SEMA3A: variants seen among roughly 807,000 people sequenced by gnomAD.
SEMA3A encodes the protein semaphorin 3A, also known as semaphorin-3A.
A neutral mutation model predicts 97.9 loss-of-function variants in SEMA3A; 29 were observed. The ratio of observed to expected loss-of-function variants is 0.30; its 90% CI spans 0.22 to 0.40. SEMA3A has a LOEUF of 0.40. Among genes scored for constraint, SEMA3A ranks in the 10% least tolerant of loss-of-function variants. The pLI, the probability that SEMA3A is intolerant of heterozygous loss-of-function variation, is 1.00. For missense variants in SEMA3A, 763 were observed against 951.3 expected (o/e 0.80, Z 2.60); for synonymous variants, 321 against 323.7 (o/e 0.99, Z 0.09).
At position 84,243,172 on chromosome 7, in the gene SEMA3A, T is replaced by G. The variant is rs189642869; in HGVS notation, c.-82-48504A>C. On this transcript the variant is annotated intron_variant, in intron 3 of 3. Coordinates refer to the SEMA3A transcript ENST00000424555. ...ATGATGCTGGCCTCATAAACTGAGT[T>G]AAGGAGGAGTTCCTCTTTTTCTATT... 1.8e-3 allele frequency among the ~76,000 whole-genome samples: 279 copies of G among 152,360 alleles called. 2 individuals carry two copies. The highest frequency in any genetic ancestry group is 2.2e-3 in the Non-Finnish European group (149 of 68,040).
At chr7:84,214,793 G>A (rs1798707445) in intron 3 of SEMA3A, among the ~76,000 whole-genome samples, 1 of 151,416 alleles carries the variant, frequency 6.6e-6, no homozygotes, top group African/African-American at 2.4e-5. Flanking sequence ...CTGCCTCCTG[G>A]GTTCAAGCAA....
chr7:84,100,695 T>C (rs1794935619), intron 4 of SEMA3A, among the ~76,000 whole-genome samples: 1 of 152,022 alleles, frequency 6.6e-6, no homozygotes, highest in Non-Finnish European at 1.5e-5. Context: ...TAAGAAAAAA[T>C]GTTCCTAGGT....
At chr7:84,013,001 T>C (rs1457789904) in intron 7 of SEMA3A, among the ~76,000 whole-genome samples, 2 of 152,190 alleles carry the variant, frequency 1.3e-5, no homozygotes, top group Admixed American at 6.5e-5. Context: ...TTTTCAAGTA[T>C]TGAAAACTTT....
At position 84,005,388 on chromosome 7, in the gene SEMA3A, G is replaced by A. The variant is rs1790623095; in HGVS notation, c.1311C>T (p.Asp437=). The change falls in exon 11 of 17, where the codon GAC becomes GAT. Residue 437 remains aspartate (D), a synonymous_variant. Transcript: ENST00000265362. ...VNYQFTQIVV[D]RVDAEDGQYD... ...ACTGTCCATCTTCTGCATCCACTCG[G>A]TCTACGACAATTTGTGTAAATTGAT... 1.2e-6 allele frequency: 2 copies of A among 1,613,562 alleles called. No homozygotes were observed. Among genetic ancestry groups the A allele is most frequent in the Admixed American group, 3.3e-5 (2 of 59,982 alleles).
upstream of SEMA3A, chr7:84,195,024 AAG>A (rs60880561): frequency 0.35 from 49,403 of 140,518 alleles, 8,745 homozygotes; most frequent in Non-Finnish European, 0.42. Context: ...GAGAGAGAGA[AAG>A]AGAGAGAGAG....
intron 5 of SEMA3A, among the ~76,000 whole-genome samples, chr7:84,055,791 G>A (rs1272191088): frequency 1.3e-5 from 2 of 152,126 alleles, no homozygotes; most frequent in African/African-American, 2.4e-5. Flanking sequence ...CCTAATAGAA[G>A]TCTTTTTGAA....
chr7:84,134,703 G>T, intron 2 of SEMA3A, 91 bp downstream of exon 2: 1 of 989,130 alleles, frequency 1.0e-6, no homozygotes, highest in Non-Finnish European at 1.4e-6. Context: ...ACAATTTTCT[G>T]TCAGTAATCA....
chr7:84,407,007 C>G (rs1804111930), intron 1 of SEMA3A, among the ~76,000 whole-genome samples: 1 of 152,140 alleles, frequency 6.6e-6, no homozygotes. Context: ...GGGATGCCCT[C>G]TCTCACCACT....
chr7:84,113,006 C>A (rs1381597562), intron 3 of SEMA3A, among the ~76,000 whole-genome samples: 2 of 152,174 alleles, frequency 1.3e-5, no homozygotes, highest in Non-Finnish European at 2.9e-5. Flanking sequence ...CTGAACTCTC[C>A]CAGTTGGCAG....
At chr7:84,074,028 A>C (rs1167563218) in intron 4 of SEMA3A, among the ~76,000 whole-genome samples, 1 of 152,112 alleles carries the variant, frequency 6.6e-6, no homozygotes, top group Admixed American at 6.6e-5. Flanking sequence ...CTACATTTAC[A>C]TCTGCTTTTA....
At chr7:84,022,921 T>A (rs956911522) in intron 6 of SEMA3A, among the ~76,000 whole-genome samples, 1 of 152,240 alleles carries the variant, frequency 6.6e-6, no homozygotes, top group Non-Finnish European at 1.5e-5. Context: ...GGGCCAATGC[T>A]ATCATGTGAA....
intron 3 of SEMA3A, among the ~76,000 whole-genome samples, chr7:84,290,731 T>C (rs1274288752): frequency 6.6e-6 from 1 of 152,154 alleles, no homozygotes; most frequent in Non-Finnish European, 1.5e-5. Flanking sequence ...TGTTGTTTCA[T>C]GTACTAAACT....
At chr7:84,179,436 C>T (rs1797668482) in intron 1 of SEMA3A, among the ~76,000 whole-genome samples, 1 of 152,142 alleles carries the variant, frequency 6.6e-6, no homozygotes, top group Non-Finnish European at 1.5e-5. Flanking sequence ...TCTTGCAAAA[C>T]TTTTCTCATC....
chr7:83,999,377 C>A (rs539531299), intron 12 of SEMA3A, among the ~76,000 whole-genome samples: 2 of 151,806 alleles, frequency 1.3e-5, no homozygotes, highest in African/African-American at 2.4e-5. Flanking sequence ...TAAAAATTCA[C>A]GAAAACACAA....
intron 3 of SEMA3A, among the ~76,000 whole-genome samples, chr7:84,224,684 G>T (rs1230628589): frequency 6.6e-6 from 1 of 151,992 alleles, no homozygotes; most frequent in Admixed American, 6.6e-5. Context: ...GCACCCTTTC[G>T]AGTGCCACTA....
At position 84,325,474 on chromosome 7, in the gene SEMA3A, A is replaced by G. The variant is rs146069260; in HGVS notation, c.-168-18182T>C. 2.0e-5 allele frequency among the ~76,000 whole-genome samples: 3 copies of G among 152,122 alleles called. No individual in the cohort carries two copies. In the East Asian group the frequency reaches 5.8e-4, roughly 30 times the overall value. ...TTGCCACAGGATATCTGAATCTGAG[A>G]CAGAAGAGACTCAAAGTATACAGGG... is the stretch of plus-strand genomic sequence containing the variant. On this transcript the variant is annotated intron_variant, in intron 2 of 3. Transcript: ENST00000424555.
At chr7:84,384,488 GT>G (rs898280192) in intron 1 of SEMA3A, among the ~76,000 whole-genome samples, 2 of 152,018 alleles carry the variant, frequency 1.3e-5, no homozygotes, top group African/African-American at 4.8e-5. Context: ...GTCAGGAAAG[GT>G]TTTTTTATAT....
At chr7:84,286,240 G>C (rs1800585727) in intron 3 of SEMA3A, among the ~76,000 whole-genome samples, 3 of 152,148 alleles carry the variant, frequency 2.0e-5, no homozygotes, top group Non-Finnish European at 4.4e-5. Context: ...TAATGACTTT[G>C]ATTTGATATT....
intron 3 of SEMA3A, among the ~76,000 whole-genome samples, chr7:84,117,773 T>C (rs1795478979): frequency 6.6e-6 from 1 of 152,174 alleles, no homozygotes; most frequent in Non-Finnish European, 1.5e-5. Flanking sequence ...TGCTTTAAAG[T>C]CAGTTAGACA....
Sources: gnomAD v4.1 joint callset for allele counts (sites outside exome capture counted in the v4.1 genomes callset) on GRCh38, gnomAD v4.1.1 for gene constraint, MANE v1.5 for transcripts, NCBI Gene and HGNC (gene_info 2026-07-23, HGNC 2026-07-21) for gene names.